The following NLGN1 variants were observed in gnomAD, a reference collection of about 807,000 sequenced individuals.
NLGN1 encodes the protein neuroligin 1.
Under a neutral mutation model 65.5 loss-of-function variants are expected in NLGN1, and 12 were observed. The observed-to-expected ratio is 0.18, with a 90% CI of 0.12 to 0.30. The LOEUF (loss-of-function observed/expected upper bound fraction) is 0.30. Among genes scored for constraint, NLGN1 ranks in the 10% least tolerant of loss-of-function variants. NLGN1 has a pLI of 1.00. For missense variants in NLGN1, 750 were observed against 1,007.1 expected (o/e 0.74, Z 3.46); for synonymous variants, 350 against 359.5 (o/e 0.97, Z 0.30).
intron 3 of NLGN1, among the ~76,000 whole-genome samples, chr3:173,745,736 G>A (rs1775266965): frequency 6.6e-6 from 1 of 152,090 alleles, no homozygotes; most frequent in South Asian, 2.1e-4. Flanking sequence ...AATATGCCAT[G>A]GCTATTGGTG....
upstream of NLGN1, chr3:173,396,237 T>C (rs1299643965): frequency 1.3e-5 from 2 of 152,522 alleles, no homozygotes; most frequent in Non-Finnish European, 2.9e-5. Flanking sequence ...AGTGTGTGTT[T>C]TGGGTATTTT....
Position 174,280,156 on chromosome 3 carries a change from C to A in NLGN1, c.1650-325C>A, listed in dbSNP as rs1302052995. On this transcript the variant is annotated intron_variant, in intron 6 of 6. Coordinates refer to ENST00000457714, the Ensembl canonical transcript of NLGN1. The surrounding 1 kb of genome is among the most constrained non-coding windows in gnomAD (Gnocchi z 4.9). ...AAAATCAAAAATCCTTTCCACTATT[C>A]CATGTCATCTCTGCTAGCTTGCCTA... Among the ~76,000 whole-genome samples, 4 of 151,962 alleles carry A rather than the reference C, an allele frequency of 2.6e-5. No homozygotes were observed. The highest frequency in any genetic ancestry group is 4.4e-5 in the Non-Finnish European group (3 of 67,926).
chr3:173,422,978 T>TA (rs1715396199), intron 1 of NLGN1, among the ~76,000 whole-genome samples: 1 of 152,206 alleles, frequency 6.6e-6, no homozygotes, highest in African/African-American at 2.4e-5. Flanking sequence ...CTGACTTTAT[T>TA]GTCAGTCCTT....
At chr3:173,756,779 C>T (rs113596809) in intron 3 of NLGN1, among the ~76,000 whole-genome samples, 18,273 of 146,442 alleles carry the variant, frequency 0.12, 1,418 homozygotes, top group South Asian at 0.16. Context: ...AAAAAAAAAA[C>T]CCAGAAACAC....
At chr3:173,893,716 T>G (rs1429626582) in intron 4 of NLGN1, among the ~76,000 whole-genome samples, 1 of 152,236 alleles carries the variant, frequency 6.6e-6, no homozygotes, top group Non-Finnish European at 1.5e-5. Flanking sequence ...TGTTTTTATT[T>G]TTTTTAACCT....
intron 4 of NLGN1, among the ~76,000 whole-genome samples, chr3:174,217,488 G>T (rs1737833620): frequency 6.6e-6 from 1 of 152,046 alleles, no homozygotes; most frequent in South Asian, 2.1e-4. Context: ...TTGGGTTCTG[G>T]TGAGAGCCCT....
intron 3 of NLGN1, among the ~76,000 whole-genome samples, chr3:173,709,789 G>C (rs982971119): frequency 8.3e-6 from 1 of 120,436 alleles, no homozygotes; most frequent in Non-Finnish European, 1.6e-5. Context: ...GGCAACGAGA[G>C]CGAAACTCTA....
At chr3:174,109,852 A>G (rs1442444752) in intron 4 of NLGN1, among the ~76,000 whole-genome samples, 1 of 152,102 alleles carries the variant, frequency 6.6e-6, no homozygotes, top group Middle Eastern at 3.2e-3. Flanking sequence ...TGCTGATACT[A>G]CAGCATTTAC....
At chr3:173,852,321 A>C (rs897561425) in intron 4 of NLGN1, among the ~76,000 whole-genome samples, 26 of 122,692 alleles carry the variant, frequency 2.1e-4, no homozygotes, top group African/African-American at 7.0e-4. Context: ...GCGCCACTGC[A>C]CTCCAGCCTG....
At chr3:173,535,717 A>G (rs1737324246) in intron 2 of NLGN1, among the ~76,000 whole-genome samples, 1 of 152,230 alleles carries the variant, frequency 6.6e-6, no homozygotes, top group Non-Finnish European at 1.5e-5. Context: ...CATTTTTAAT[A>G]GTTGGCTTAC....
downstream of NLGN1, among the ~76,000 whole-genome samples, chr3:174,289,265 A>G (rs1752462322): frequency 6.6e-6 from 1 of 151,364 alleles, no homozygotes; most frequent in Non-Finnish European, 1.5e-5. Context: ...ATATCTACTA[A>G]TACTTGTTGA....
intron 4 of NLGN1, among the ~76,000 whole-genome samples, chr3:173,869,211 G>T (rs2150856353): frequency 6.6e-6 from 1 of 152,220 alleles, no homozygotes; most frequent in Non-Finnish European, 1.5e-5. Context: ...TTAAATGGCA[G>T]AATCATGCAC....
At chr3:173,944,295 T>C (rs1396752134) in intron 4 of NLGN1, among the ~76,000 whole-genome samples, 3 of 151,854 alleles carry the variant, frequency 2.0e-5, no homozygotes, top group Non-Finnish European at 4.4e-5. Context: ...TAAGAATGAA[T>C]CACAAACATA....
chr3:173,697,078 G>C (rs1248800725), intron 3 of NLGN1, among the ~76,000 whole-genome samples: 1 of 152,150 alleles, frequency 6.6e-6, no homozygotes, highest in Non-Finnish European at 1.5e-5. Flanking sequence ...AATATGATCA[G>C]AAGTAGTATT....
intron 4 of NLGN1, among the ~76,000 whole-genome samples, chr3:174,115,499 A>C (rs1168419337): frequency 6.6e-6 from 1 of 152,168 alleles, no homozygotes; most frequent in Non-Finnish European, 1.5e-5. Flanking sequence ...TTACACAGAT[A>C]TATAAAACCA....
At chr3:173,638,983 T>A (rs1315028374) in intron 3 of NLGN1, among the ~76,000 whole-genome samples, 1 of 152,216 alleles carries the variant, frequency 6.6e-6, no homozygotes, top group African/African-American at 2.4e-5. Flanking sequence ...GAAGTGATTG[T>A]TCTGCCTTTG....
intron 4 of NLGN1, among the ~76,000 whole-genome samples, chr3:174,255,922 G>C (rs1745667239): frequency 6.6e-6 from 1 of 152,098 alleles, no homozygotes; most frequent in African/African-American, 2.4e-5. Flanking sequence ...CCCTCCCCAA[G>C]TGTTGAGATT....
intron 1 of NLGN1, among the ~76,000 whole-genome samples, chr3:173,400,245 A>G (rs1400873886): frequency 6.6e-6 from 1 of 152,104 alleles, no homozygotes; most frequent in Admixed American, 6.5e-5. Context: ...AGTCTTCTAG[A>G]CTTAATATTA....
At chr3:173,760,196 A>G (rs1000786344) in intron 3 of NLGN1, among the ~76,000 whole-genome samples, 2 of 151,980 alleles carry the variant, frequency 1.3e-5, no homozygotes, top group African/African-American at 4.8e-5. Context: ...TACTTTGAGC[A>G]CATCCTATCT....
Sources: allele counts gnomAD v4.1 joint callset (sites outside exome capture counted in the v4.1 genomes callset), GRCh38; gene constraint gnomAD v4.1.1; non-coding constraint Gnocchi (gnomAD v3.1); transcripts MANE v1.5; gene names NCBI Gene and HGNC (gene_info 2026-07-23, HGNC 2026-07-21).